The following TERF1 variants were observed in gnomAD, a reference collection of about 807,000 sequenced individuals.
The protein encoded by TERF1 is telomeric repeat-binding factor 1.
A neutral mutation model predicts 55.1 loss-of-function variants in TERF1; 20 were observed. The observed-to-expected ratio is 0.36, with a 90% CI of 0.26 to 0.53. TERF1 has a LOEUF of 0.53. Among genes scored for constraint, TERF1 ranks in the 20% least tolerant of loss-of-function variants. TERF1 has a pLI of 0.91. For missense variants in TERF1, 439 were observed against 535.7 expected, an observed-to-expected ratio of 0.82 and a Z score of 1.78; for synonymous variants, 168 against 181.2, an observed-to-expected ratio of 0.93 and a Z score of 0.59.
intron 2 of TERF1, among the ~76,000 whole-genome samples, chr8:73,018,692 A>G (rs552021476): frequency 6.6e-6 from 1 of 152,316 alleles, no homozygotes; most frequent in East Asian, 1.9e-4. Context: ...TAAATAAGTA[A>G]AAATAAAAAT....
In TERF1 at chr8:73,044,668, C is replaced by G. The variant is rs79044614; in HGVS notation, c.1144-1293C>G. Among the ~76,000 whole-genome samples, 94 of 152,220 alleles carry G rather than the reference C, an allele frequency of 6.2e-4. 1 individual carries two copies. The East Asian group carries it at 0.017, about 28-fold the overall frequency. On this transcript the variant is annotated intron_variant, in intron 9 of 9. Coordinates refer to ENST00000276603, the MANE Select transcript of TERF1 (RefSeq NM_017489.3). ...TCTATCAATAGCACTCTTCCTCTTA[C>G]AAAACTGAAACCGTACTCCTTAAAC... is the stretch of plus-strand genomic sequence containing the variant.
chr8:73,031,989 A>G, intron 7 of TERF1, 53 bp from the exon 8 acceptor site: 3 of 1,268,944 alleles, frequency 2.4e-6, no homozygotes, highest in Non-Finnish European at 2.3e-6. Flanking sequence ...CCTGTTTTCC[A>G]TTGCCTTACT....
intron 6 of TERF1, among the ~76,000 whole-genome samples, chr8:73,028,246 TA>T (rs919781414): frequency 6.6e-6 from 1 of 152,162 alleles, no homozygotes; most frequent in Non-Finnish European, 1.5e-5. Context: ...GATGCTCTCC[TA>T]GACACAAACA....
intron 8 of TERF1, among the ~76,000 whole-genome samples, chr8:73,033,564 T>G (rs1809383811): frequency 1.3e-5 from 2 of 152,046 alleles, no homozygotes. Context: ...GAAACCCCGT[T>G]TCTACTAAAA....
intron 6 of TERF1, among the ~76,000 whole-genome samples, chr8:73,029,023 A>T (rs1809158789): frequency 6.6e-6 from 1 of 152,196 alleles, no homozygotes; most frequent in African/African-American, 2.4e-5. Flanking sequence ...CAGGGTAAAG[A>T]TCAAGAATCG....
At chr8:73,011,915 T>C (rs1808297262) in intron 1 of TERF1, 1 of 152,260 alleles carries the variant, frequency 6.6e-6, no homozygotes, top group Non-Finnish European at 1.5e-5. Flanking sequence ...TTAGAACTTT[T>C]AATTTCCTTT....
intron 8 of TERF1, among the ~76,000 whole-genome samples, chr8:73,037,846 T>A (rs562492976): frequency 1.0e-5 from 1 of 97,466 alleles, no homozygotes; most frequent in African/African-American, 3.8e-5. Context: ...ATATATATAA[T>A]ATATAATATA....
In TERF1 at chr8:73,039,769, T is replaced by TGG. The variant is rs1181750747; in HGVS notation, c.1143+551_1143+552dup. Among the ~76,000 whole-genome samples the TGG allele has an allele frequency of 1.1e-4, 14 of 121,838 alleles. No individual in the cohort carries two copies. The East Asian group carries it at 1.6e-3, about 14-fold the overall frequency. 79.9% of individuals were successfully genotyped at this position (121,838 alleles called of 152,430 possible). ...TGGATAAATCTGGTCTTTGTTTTTG[T>TGG]GGTGTGTGTGTGTGTGTGTGTGTGT... On this transcript the variant is annotated intron_variant, in intron 9 of 9. Coordinates refer to ENST00000276603, the MANE Select transcript of TERF1 (RefSeq NM_017489.3).
intron 9 of TERF1, among the ~76,000 whole-genome samples, chr8:73,039,424 T>G (rs963452611): frequency 2.6e-5 from 4 of 152,172 alleles, no homozygotes; most frequent in African/African-American, 9.6e-5. Flanking sequence ...AGTCTTAAGT[T>G]GGGTGTTGGT....
At chr8:73,009,316 C>A (rs990444165) in intron 1 of TERF1, 111 bp downstream of exon 1, 1 of 216,078 alleles carries the variant, frequency 4.6e-6, no homozygotes, top group Non-Finnish European at 7.6e-6. Flanking sequence ...CTGCTGCGGC[C>A]GATTAGCTGG....
At chr8:73,035,842 T>C (rs1179115859) in intron 8 of TERF1, among the ~76,000 whole-genome samples, 4 of 152,174 alleles carry the variant, frequency 2.6e-5, no homozygotes, top group African/African-American at 9.7e-5. Flanking sequence ...AGTAGGGTAA[T>C]CTTATTGTTT....
chr8:73,031,281 A>G (rs1365062628), intron 7 of TERF1: 1 of 152,300 alleles, frequency 6.6e-6, no homozygotes, highest in Non-Finnish European at 1.5e-5. Context: ...TAGATTTTAG[A>G]CAAGGCAAAG....
At chr8:73,033,605 C>G (rs1323304652) in intron 8 of TERF1, among the ~76,000 whole-genome samples, 2 of 152,070 alleles carry the variant, frequency 1.3e-5, no homozygotes, top group Admixed American at 1.3e-4. Flanking sequence ...ATGGTGGTGC[C>G]TGCCTGTAAT....
At chr8:73,042,760 T>C (rs1809883493) in intron 9 of TERF1, 1 of 152,206 alleles carries the variant, frequency 6.6e-6, no homozygotes, top group Non-Finnish European at 1.5e-5. Context: ...TTATGTAATC[T>C]CTAGCCTTGG....
chr8:73,016,334 A>G (rs138653632), intron 2 of TERF1, among the ~76,000 whole-genome samples: 292 of 152,020 alleles, frequency 1.9e-3, no homozygotes, highest in African/African-American at 6.4e-3. Context: ...ACAAGATTGG[A>G]CATGTTTGGG....
chr8:73,037,717 A>T (rs1267584649), intron 8 of TERF1, among the ~76,000 whole-genome samples: 17 of 84,566 alleles, frequency 2.0e-4, no homozygotes, highest in Non-Finnish European at 2.8e-4. Context: ...TATTATATAT[A>T]ATATATATTA....
intron 6 of TERF1, among the ~76,000 whole-genome samples, chr8:73,029,531 G>C (rs369721178): frequency 6.6e-6 from 1 of 151,812 alleles, no homozygotes; most frequent in African/African-American, 2.4e-5. Flanking sequence ...TGAGAGGATT[G>C]TTTGAGCCCG....
intron 9 of TERF1, among the ~76,000 whole-genome samples, chr8:73,045,018 C>G (rs77678707): frequency 1.6e-4 from 25 of 152,240 alleles, no homozygotes; most frequent in Non-Finnish European, 2.6e-4. Flanking sequence ...GGTCCCTGCT[C>G]TCGACTCTTT....
In TERF1 at chr8:73,037,776, AT is replaced by A. The variant is rs1809636390; in HGVS notation, c.1040-1339del. Among the ~76,000 whole-genome samples, 3 of 50,266 alleles carry A rather than the reference AT, an allele frequency of 6.0e-5. No homozygotes were observed. The South Asian group carries it at 1.3e-3, about 22-fold the overall frequency. 33.0% of individuals were successfully genotyped at this position (50,266 alleles called of 152,430 possible). A position where few individuals can be genotyped will look rare whatever the true frequency, so the allele number is the denominator to read the frequency against. ...TATAATATTATATAGTATAATATAT[AT>A]ATTATATATAATATATAGTATAATA... On this transcript the variant is annotated intron_variant, in intron 8 of 9. Transcript: ENST00000276603.
Sources: gnomAD v4.1 joint callset for allele counts (sites outside exome capture counted in the v4.1 genomes callset) on GRCh38, gnomAD v4.1.1 for gene constraint, MANE v1.5 for transcripts, NCBI Gene and HGNC (gene_info 2026-07-23, HGNC 2026-07-21) for gene names.